Variants in LILRB5 observed in about 807,000 individuals in gnomAD.
LILRB5 encodes leukocyte immunoglobulin-like receptor subfamily B member 5.
In LILRB5, 61 loss-of-function variants were observed where a neutral mutation model predicts 68.4. That is an observed-to-expected ratio of 0.89 (90% CI 0.73 to 1.10). The LOEUF is 1.10. LILRB5 is among the 50% of genes least tolerant of loss of function. The pLI is 0.00. For synonymous variants in LILRB5, 356 were observed against 315.8 expected (o/e 1.13, Z -1.35); for missense variants, 771 against 751.6 (o/e 1.03, Z -0.30).
At position 54,250,963 on chromosome 19, in the gene LILRB5, C is replaced by T. The variant is rs748295182; in HGVS notation, c.1630-31G>A. On this transcript the variant is annotated intron_variant, in intron 12 of 12. Transcript: ENST00000449561. ...GCGGGGGAGAGTGAGAGGGAAGGAACGTGGTGGGGGTGGGGGAGGCCTGGG... is the reference window on the plus strand; with the variant it reads ...GCGGGGGAGAGTGAGAGGGAAGGAATGTGGTGGGGGTGGGGGAGGCCTGGG... 4.8e-5 allele frequency: 58 copies of T among 1,210,676 alleles called. 1 individual carries two copies. The highest frequency in any genetic ancestry group is 1.3e-4 in the South Asian group (10 of 78,284). The allele number at this position is 1,210,676 out of a possible 1,614,324, so 75.0% of individuals were successfully genotyped here. A position where few individuals can be genotyped will look rare whatever the true frequency, so the allele number is the denominator to read the frequency against.
chr19:54,255,474 A>G lies in LILRB5; in HGVS notation c.764T>C (p.Leu255Pro), dbSNP rs1673765017. 3 of 1,613,988 alleles carry G rather than the reference A, an allele frequency of 1.9e-6. No individual in the cohort carries two copies. Among genetic ancestry groups the G allele is most frequent in the Admixed American group, 3.3e-5 (2 of 60,004 alleles). Residue 255 changes from leucine (L) to proline (P), a missense_variant, in exon 5 of 13, where the codon CTG becomes CCG. Leu to Pro is a moderately conservative substitution (Grantham distance 98, BLOSUM62 -3). Transcript: ENST00000449561. The part of the protein sequence containing the change: ...RSDVGYDIFV[L>P]YKEGEHDLVQ... ...GAGGTCATGTTCCCCCTCCTTGTAC[A>G]GAACGAATATGTCATAGCCGACATC...
chr19:54,250,733 C>T lies in LILRB5; in HGVS notation c.*53G>A, dbSNP rs1382209058. On this transcript the variant is annotated 3_prime_UTR_variant, in exon 13 of 13. Transcript: ENST00000449561. ...CCACTGGGGGCAGCTCCTGTGCCTT[C>T]TGGAGTCTCTGAGTCTCCTTCTGTT... The T allele has an allele frequency of 6.2e-7, 1 of 1,610,996 alleles. No individual in the cohort carries two copies.
At chr19:54,254,469 C>A in intron 6 of LILRB5, 54 bp from the exon 7 acceptor site, 3 of 1,524,476 alleles carry the variant, frequency 2.0e-6, no homozygotes, top group Non-Finnish European at 2.7e-6. Flanking sequence ...GTGAGGAAAC[C>A]CGTCCCTCCA....
chr19:54,256,454 G>C, intron 3 of LILRB5, 35 bp downstream of exon 3: 1 of 1,610,280 alleles, frequency 6.2e-7, no homozygotes, highest in South Asian at 1.1e-5. Flanking sequence ...CCTGAGGGCA[G>C]AGCCTGGGGC....
intron 5 of LILRB5, 81 bp downstream of exon 5, chr19:54,255,205 T>G (rs1263013267): frequency 1.5e-6 from 2 of 1,331,432 alleles, no homozygotes; most frequent in Non-Finnish European, 2.0e-6. Flanking sequence ...CCCCGCCTCA[T>G]CCCGGCCATC....
rs781019591 is a variant in LILRB5 at position 54,256,259 on chromosome 19, G to A, written c.439C>T (p.Leu147=). The stretch of plus-strand genomic sequence containing the variant: ...AGAACAAACGTGAGAAGTCCGTCCA[G>A]TGTATCACACTGGAGGGTCACATTT... The part of the protein sequence containing the change: ...GGNVTLQCDT[L]DGLLTFVLVE... The change falls in exon 4 of 13, where the codon CTG becomes TTG. Residue 147 remains leucine, a synonymous_variant. Transcript: ENST00000449561. 4 of 1,613,956 alleles carry A rather than the reference G, an allele frequency of 2.5e-6. No individual in the cohort carries two copies. The South Asian group carries it at 3.3e-5, about 13-fold the overall frequency.
At position 54,256,260 on chromosome 19, in the gene LILRB5, T is replaced by C. The variant is rs1260496907; in HGVS notation, c.438A>G (p.Thr146=). 1 of 1,613,826 alleles carries C rather than the reference T, an allele frequency of 6.2e-7. No homozygotes were observed. Among genetic ancestry groups the C allele is most frequent in the East Asian group, 2.2e-5 (1 of 44,862 alleles). The part of the protein sequence containing the change: ...SGGNVTLQCD[T]LDGLLTFVLV... ...GAACAAACGTGAGAAGTCCGTCCAG[T>C]GTATCACACTGGAGGGTCACATTTC... Residue 146 remains threonine (T), a synonymous_variant, in exon 4 of 13, where the codon ACA becomes ACG. Coordinates refer to ENST00000449561, the MANE Select transcript of LILRB5 (RefSeq NM_001081442.3).
rs563052656 is a variant in LILRB5 at position 54,254,961 on chromosome 19, C to T, written c.1029G>A (p.Leu343=). The part of the protein sequence containing the change: ...KVASGENVTL[L]CQSWHQIDTF... ...TGTCTATCTGATGCCATGACTGACA[C>T]AGCAGGGTCACGTTCTCTCCTGAGG... The change falls in exon 6 of 13, where the codon CTG becomes CTA. Residue 343 remains leucine (L), a synonymous_variant. Transcript: ENST00000449561. 1.9e-6 allele frequency: 3 copies of T among 1,614,064 alleles called. No individual in the cohort carries two copies. Among genetic ancestry groups the T allele is most frequent in the South Asian group, 2.2e-5 (2 of 91,080 alleles).
In LILRB5 at chr19:54,252,902, T is replaced by G. The variant is rs778075016; in HGVS notation, c.1443A>C (p.Arg481=). 60 of 1,597,474 alleles carry G rather than the reference T, an allele frequency of 3.8e-5. No homozygotes were observed. Among genetic ancestry groups the G allele is most frequent in the South Asian group, 1.9e-4 (17 of 90,900 alleles). ...LLFLLLFLLL[R]HRHQSKHRTS... ...TCCTGTGTTTGCTCTGATGCCGATG[T>G]CGGAGGAGGAGGAAGAGGAGGAGGA... The change falls in exon 9 of 13, where the codon CGA becomes CGC. Residue 481 remains arginine, a synonymous_variant. Coordinates refer to ENST00000449561, the MANE Select transcript of LILRB5 (RefSeq NM_001081442.3).
Position 54,250,432 on chromosome 19 carries a change from T to G in LILRB5, c.*354A>C. 4.4e-6 allele frequency: 1 copy of G among 226,796 alleles called. No individual in the cohort carries two copies. The highest frequency in any genetic ancestry group is 8.6e-6 in the Non-Finnish European group (1 of 115,736). The allele number at this position is 226,796 out of a possible 1,614,324, so 14.0% of individuals were successfully genotyped here. On this transcript the variant is annotated 3_prime_UTR_variant, in exon 13 of 13. Transcript: ENST00000449561. ...GTCATTGCCAAGGTCATTAATTACG[T>G]AGGTTTTATTCTTTTCTAATTCATT... is the stretch of plus-strand genomic sequence containing the variant.
rs369267196 is a variant in LILRB5, at chr19:54,253,034, G to T, written c.1358-47C>A. 415 of 1,348,106 alleles carry T rather than the reference G, an allele frequency of 3.1e-4. 1 individual carries two copies. Among genetic ancestry groups the T allele is most frequent in the Non-Finnish European group, 4.1e-4 (401 of 989,126 alleles). 83.5% of individuals were successfully genotyped at this position (1,348,106 alleles called of 1,614,324 possible). On this transcript the variant is annotated intron_variant, in intron 8 of 12. Coordinates refer to ENST00000449561, the MANE Select transcript of LILRB5 (RefSeq NM_001081442.3). The stretch of plus-strand genomic sequence containing the variant: ...AATGGGGATGACGTCATTGATGTGA[G>T]CACCTTCTGTGTGCAGGCGCGAGCT...
chr19:54,256,361 C>G lies in LILRB5; in HGVS notation c.356-19G>C, dbSNP rs200558385. ...TAGAATCCTAGCAGAGAAGGAGGCA[C>G]GTCTTAAGTGGGGCTCCGACCTCCC... is the stretch of plus-strand genomic sequence containing the variant. On this transcript the variant is annotated intron_variant, in intron 3 of 12. Coordinates refer to ENST00000449561, the MANE Select transcript of LILRB5 (RefSeq NM_001081442.3). 3.1e-6 allele frequency: 5 copies of G among 1,592,694 alleles called. No individual in the cohort carries two copies. The highest frequency in any genetic ancestry group is 4.3e-6 in the Non-Finnish European group (5 of 1,168,366).
rs2079138585 is a variant in LILRB5, at chr19:54,256,263, A to T, written c.435T>A (p.Asp145Glu). 6.2e-7 allele frequency: 1 copy of T among 1,613,068 alleles called. No homozygotes were observed. The highest frequency in any genetic ancestry group is 8.5e-7 in the Non-Finnish European group (1 of 1,179,340). ...ASGGNVTLQC[D>E]TLDGLLTFVL... ...CAAACGTGAGAAGTCCGTCCAGTGT[A>T]TCACACTGGAGGGTCACATTTCCTC... Residue 145 changes from aspartate to glutamate, a missense_variant, in exon 4 of 13, where the codon GAT becomes GAA. Transcript: ENST00000449561.
chr19:54,252,357 G>C lies in LILRB5; in HGVS notation c.1576+9C>G. On this transcript the variant is annotated intron_variant, in intron 11 of 12. Coordinates refer to ENST00000449561, the MANE Select transcript of LILRB5 (RefSeq NM_001081442.3). ...CCACCCCAGGTGCCCTCCGCTTCTA[G>C]TCACTCACTGAGAATTTCCTCCTGG... The C allele has an allele frequency of 6.2e-7, 1 of 1,613,732 alleles. No homozygotes were observed. Among genetic ancestry groups the C allele is most frequent in the Non-Finnish European group, 8.5e-7 (1 of 1,179,854 alleles).
In LILRB5 at chr19:54,250,658, G is replaced by A; in HGVS notation, c.*128C>T. ...TAGTGAGTCCCAGAGTTCCCAGGAT[G>A]TCCTGGTGGTCTTTGTTAGGGGTCC... is the stretch of plus-strand genomic sequence containing the variant. On this transcript the variant is annotated 3_prime_UTR_variant, in exon 13 of 13. Coordinates refer to ENST00000449561, the MANE Select transcript of LILRB5 (RefSeq NM_001081442.3). 8.6e-7 allele frequency: 1 copy of A among 1,169,264 alleles called. No individual in the cohort carries two copies. Among genetic ancestry groups the A allele is most frequent in the Non-Finnish European group, 1.2e-6 (1 of 820,858 alleles). 72.4% of individuals were successfully genotyped at this position (1,169,264 alleles called of 1,614,324 possible). A position where few individuals can be genotyped will look rare whatever the true frequency, so the allele number is the denominator to read the frequency against.
At chr19:54,252,323 C>G (rs2147615116) in intron 11 of LILRB5, 43 bp downstream of exon 11, 1 of 1,606,000 alleles carries the variant, frequency 6.2e-7, no homozygotes, top group Non-Finnish European at 8.5e-7. Context: ...AACTTTGGTG[C>G]TCCCTTGCCC....
chr19:54,250,859 G>A lies in LILRB5; in HGVS notation c.1703C>T (p.Thr568Ile), dbSNP rs766864442. The change falls in exon 13 of 13, where the codon ACT becomes ATT. Residue 568 changes from threonine (T) to isoleucine (I), a missense_variant. Transcript: ENST00000449561. ...CCTTTCCTGGGATGGAGGAGGCTCA[G>A]TTGCCTCCCGTCTGAGGGTCAAGCT... Reference protein sequence around the residue: ...LHSLTLRREATEPPPSQEREP... With the variant: ...LHSLTLRREAIEPPPSQEREP... 1.1e-4 allele frequency: 184 copies of A among 1,613,532 alleles called. No individual in the cohort carries two copies. In the Admixed American group the frequency reaches 2.9e-3, roughly 25 times the overall value.
Position 54,255,010 on chromosome 19 carries a change from G to C in LILRB5, c.980C>G (p.Ser327Trp), listed in dbSNP as rs765194070. 1.2e-6 allele frequency: 2 copies of C among 1,611,244 alleles called. No individual in the cohort carries two copies. The highest frequency in any genetic ancestry group is 2.2e-5 in the South Asian group (2 of 90,832). The change falls in exon 6 of 13, where the codon TCG (serine) becomes TGG (tryptophan). Residue 327 changes from serine to tryptophan, a missense_variant. By Grantham distance (177) the Ser-to-Trp change is radical. Coordinates refer to ENST00000449561, the MANE Select transcript of LILRB5 (RefSeq NM_001081442.3). ...GGCCACCTTGGGGCCCGGCTGCACC[G>C]AGAGGGCGGGTATGTCAGGGATCAG... ...AGLIPDIPAL[S>W]VQPGPKVASG...
chr19:54,252,166 T>C, intron 11 of LILRB5, 60 bp from the exon 12 acceptor site: 1 of 1,574,208 alleles, frequency 6.4e-7, no homozygotes, highest in Non-Finnish European at 8.7e-7. Flanking sequence ...TTCTCCGTCC[T>C]GCCAGCCCTT....
Sources: allele counts gnomAD v4.1 joint callset, GRCh38; gene constraint gnomAD v4.1.1; transcripts MANE v1.5; gene names NCBI Gene and HGNC (gene_info 2026-07-23, HGNC 2026-07-21).